The following MYH15 variants were observed in gnomAD, a reference collection of about 807,000 sequenced individuals.
MYH15 encodes the protein myosin heavy chain 15, also known as myosin-15.
A neutral mutation model predicts 240.5 loss-of-function variants in MYH15; 227 were observed. The ratio of observed to expected loss-of-function variants is 0.94; its 90% CI spans 0.85 to 1.05. The LOEUF (loss-of-function observed/expected upper bound fraction) is 1.05. MYH15 is among the 50% of genes least tolerant of loss of function. MYH15 has a pLI of 0.00. For missense variants in MYH15, 2,217 were observed against 2,247.5 expected (o/e 0.99, Z 0.27); for synonymous variants, 785 against 796.7 (o/e 0.99, Z 0.25).
intron 1 of MYH15, among the ~76,000 whole-genome samples, chr3:108,520,201 C>T (rs180986515): frequency 1.2e-3 from 190 of 152,116 alleles, no homozygotes; most frequent in African/African-American, 4.4e-3. Flanking sequence ...AAGATTATAC[C>T]GAAAGTAAAA....
intron 32 of MYH15, among the ~76,000 whole-genome samples, 168 bp downstream of exon 32, chr3:108,408,112 G>A (rs1166986339): frequency 6.6e-6 from 1 of 152,244 alleles, no homozygotes; most frequent in Non-Finnish European, 1.5e-5. Context: ...AATGGGGACA[G>A]TAGTTTCCTA....
chr3:108,543,875 T>C, the MYH15 span: 1 of 152,256 alleles, frequency 6.6e-6, no homozygotes, highest in African/African-American at 2.4e-5. Flanking sequence ...CAGGGTGCCA[T>C]AGCTGCATAT....
intron 28 of MYH15, among the ~76,000 whole-genome samples, chr3:108,420,337 T>C (rs899939844): frequency 1.3e-5 from 2 of 152,214 alleles, no homozygotes; most frequent in Admixed American, 6.5e-5. Flanking sequence ...GTGTCAAATA[T>C]GTAGTTAGTT....
chr3:108,399,481 T>C (rs1002988107), intron 33 of MYH15, among the ~76,000 whole-genome samples: 5 of 152,208 alleles, frequency 3.3e-5, no homozygotes, highest in African/African-American at 1.2e-4. Context: ...ATGGACTACG[T>C]AGGGTTTCCA....
chr3:108,549,119 G>A, the MYH15 span, among the ~76,000 whole-genome samples: 5 of 151,914 alleles, frequency 3.3e-5, no homozygotes, highest in Admixed American at 6.6e-5. Context: ...AAGAGGATGC[G>A]AGTAATCCTA....
At chr3:108,511,889 G>T (rs2107255243), upstream of MYH15, among the ~76,000 whole-genome samples, 1 of 152,320 alleles carries the variant, frequency 6.6e-6, no homozygotes, top group East Asian at 1.9e-4. Flanking sequence ...GTAGGATCTA[G>T]TTTAAAGGAG....
chr3:108,393,886 G>A, intron 36 of MYH15, 145 bp downstream of exon 36: 2 of 1,170,882 alleles, frequency 1.7e-6, no homozygotes, highest in Non-Finnish European at 1.2e-6. Flanking sequence ...ATGAGAACAG[G>A]GAGGCAGAGA....
chr3:108,459,550 G>T, intron 17 of MYH15, 101 bp from the exon 18 acceptor site: 1 of 629,258 alleles, frequency 1.6e-6, no homozygotes. Context: ...TAATCTCACA[G>T]CCAAGATGTA....
At chr3:108,390,907 T>C (rs1215620406) in intron 37 of MYH15, among the ~76,000 whole-genome samples, 2 of 152,238 alleles carry the variant, frequency 1.3e-5, no homozygotes, top group Non-Finnish European at 2.9e-5. Flanking sequence ...TATCCTCTCA[T>C]AGATAGCCAT....
intron 16 of MYH15, among the ~76,000 whole-genome samples, chr3:108,461,195 G>A (rs1560390931): frequency 6.6e-6 from 1 of 152,084 alleles, no homozygotes; most frequent in Non-Finnish European, 1.5e-5. Context: ...TATTCTCTGC[G>A]CCTGAGTAGC....
At chr3:108,529,955 C>A (rs192773404), upstream of MYH15, among the ~76,000 whole-genome samples, 56 of 152,210 alleles carry the variant, frequency 3.7e-4, no homozygotes, top group Non-Finnish European at 4.1e-4. Context: ...TGCAGAGGAT[C>A]CTTATCAAGT....
chr3:108,535,865 C>G, the MYH15 span, among the ~76,000 whole-genome samples: 3 of 152,204 alleles, frequency 2.0e-5, no homozygotes, highest in Non-Finnish European at 2.9e-5. Context: ...ATTCGCTAAA[C>G]AAGATGTCCC....
rs1314064997 is a variant in MYH15, at chr3:108,476,404, A to C, written c.1226T>G (p.Ile409Arg). ...GNEYVTRGQT[I>R]EQVTCAVGAL... Reference sequence around the variant, plus strand: ...CTTGAAATATCACCTTACCTGTTCTATAGTTTGACCTCTGGTAACATATTC... The same window carrying C: ...CTTGAAATATCACCTTACCTGTTCTCTAGTTTGACCTCTGGTAACATATTC... Residue 409 changes from isoleucine to arginine, a missense_variant, in exon 12 of 41, where the codon ATA becomes AGA. Coordinates refer to ENST00000693548, the MANE Select transcript of MYH15 (RefSeq NM_014981.3). 3.8e-6 allele frequency: 6 copies of C among 1,572,772 alleles called. No homozygotes were observed. The highest frequency in any genetic ancestry group is 5.3e-6 in the Non-Finnish European group (6 of 1,142,564).
intron 1 of MYH15, among the ~76,000 whole-genome samples, chr3:108,525,739 G>A (rs745829961): frequency 6.6e-5 from 10 of 151,904 alleles, no homozygotes; most frequent in East Asian, 1.9e-4. Flanking sequence ...TAATGATGGC[G>A]GCAAAGCAGA....
rs570222985 is a variant in MYH15, at chr3:108,447,196, A to G, written c.2400-2301T>C. On this transcript the variant is annotated intron_variant, in intron 21 of 40. Transcript: ENST00000693548. Reference sequence around the variant, plus strand: ...GAGGAACAAAAATGAAAAACAAATGAAAAGAATGAAGAATGCCTACAGCAC... The same window carrying G: ...GAGGAACAAAAATGAAAAACAAATGGAAAGAATGAAGAATGCCTACAGCAC... Among the ~76,000 whole-genome samples the G allele has an allele frequency of 3.9e-5, 6 of 152,302 alleles. No homozygotes were observed. The East Asian group carries it at 9.6e-4, about 24-fold the overall frequency.
chr3:108,524,226 T>C (rs2083648113), intron 1 of MYH15, among the ~76,000 whole-genome samples: 1 of 152,066 alleles, frequency 6.6e-6, no homozygotes, highest in Non-Finnish European at 1.5e-5. Context: ...TTTCATTCTT[T>C]ATAACTTTTT....
chr3:108,480,499 A>C (rs1275212295), intron 11 of MYH15, among the ~76,000 whole-genome samples: 2 of 152,230 alleles, frequency 1.3e-5, no homozygotes, highest in East Asian at 3.8e-4. Context: ...CAGAGAAATG[A>C]CATAATTAGA....
At chr3:108,518,420 G>A (rs1576280272) in intron 1 of MYH15, among the ~76,000 whole-genome samples, 1 of 152,106 alleles carries the variant, frequency 6.6e-6, no homozygotes, top group African/African-American at 2.4e-5. Context: ...ATTTTTCTGG[G>A]GGCGTATTGC....
At chr3:108,547,939 A>C in the MYH15 span, among the ~76,000 whole-genome samples, 1 of 152,182 alleles carries the variant, frequency 6.6e-6, no homozygotes, top group Non-Finnish European at 1.5e-5. Flanking sequence ...ACACTGAAGA[A>C]ACTACTTTGT....
Sources: allele counts gnomAD v4.1 joint callset (sites outside exome capture counted in the v4.1 genomes callset), GRCh38; gene constraint gnomAD v4.1.1; transcripts MANE v1.5; gene names NCBI Gene and HGNC (gene_info 2026-07-23, HGNC 2026-07-21).